The following MED27 variants were observed in gnomAD, a reference collection of about 807,000 sequenced individuals.
The protein encoded by MED27 is mediator of RNA polymerase II transcription subunit 27.
MED27 carries 30 observed loss-of-function variants against 38.2 expected under a neutral mutation model. That is an observed-to-expected ratio of 0.79 (90% CI 0.59 to 1.07). MED27 has a LOEUF of 1.07. Ranked by LOEUF, MED27 falls within the 50% of genes least tolerant of loss-of-function variation. The pLI is 0.00. For synonymous variants in MED27, 122 were observed against 153.5 expected (o/e 0.79, Z 1.52); for missense variants, 289 against 397.5 (o/e 0.73, Z 2.32).
Position 131,997,015 on chromosome 9 carries a change from G to T in MED27, c.479+17322C>A, listed in dbSNP as rs898542293. 1.3e-5 allele frequency among the ~76,000 whole-genome samples: 2 copies of T among 152,152 alleles called. No homozygotes were observed. The highest frequency in any genetic ancestry group is 4.8e-5 in the African/African-American group (2 of 41,446). ...GGAGTCAAAAGTCACGCACATTTTT[G>T]ACTATGGTGGGGGATGGGTACCCCT... On this transcript the variant is annotated intron_variant, in intron 3 of 7. Transcript: ENST00000292035. This position sits in a 1 kb window ranked among gnomAD's most constrained non-coding sequence, Gnocchi z 4.0.
chr9:131,955,093 G>A (rs1831071104), intron 3 of MED27, among the ~76,000 whole-genome samples: 1 of 151,878 alleles, frequency 6.6e-6, no homozygotes, highest in African/African-American at 2.4e-5. Flanking sequence ...TATGTTCTCT[G>A]ACCACAACTG....
intron 5 of MED27, 48 bp from the exon 6 acceptor site, chr9:131,884,147 G>T: frequency 6.7e-7 from 1 of 1,486,134 alleles, no homozygotes; most frequent in Non-Finnish European, 9.1e-7. Context: ...TTAGAATTCG[G>T]GACTTCAAGA....
intron 4 of MED27, among the ~76,000 whole-genome samples, chr9:131,907,369 C>G (rs1034425399): frequency 6.6e-5 from 10 of 152,174 alleles, no homozygotes; most frequent in Non-Finnish European, 1.5e-4. Context: ...AGGCACGCGC[C>G]GCCACGCCTG....
chr9:131,866,316 GCT>G (rs1227691016), intron 6 of MED27, among the ~76,000 whole-genome samples: 1 of 152,202 alleles, frequency 6.6e-6, no homozygotes. Flanking sequence ...ACTGCAAGGT[GCT>G]CTCTCCAGGC....
At chr9:131,980,052 C>T (rs1332336624) in intron 3 of MED27, among the ~76,000 whole-genome samples, 2 of 151,944 alleles carry the variant, frequency 1.3e-5, no homozygotes, top group Non-Finnish European at 2.9e-5. Flanking sequence ...CACAGATATA[C>T]CTCTAACAAG....
At chr9:131,938,807 A>G (rs1290131054) in intron 4 of MED27, among the ~76,000 whole-genome samples, 1 of 150,602 alleles carries the variant, frequency 6.6e-6, no homozygotes, top group Admixed American at 6.6e-5. Context: ...TCCGCCTCCC[A>G]GGTTCATGCC....
At chr9:131,950,689 C>A (rs1240916308) in intron 3 of MED27, among the ~76,000 whole-genome samples, 1 of 152,194 alleles carries the variant, frequency 6.6e-6, no homozygotes, top group African/African-American at 2.4e-5. Context: ...AACCGCAGAA[C>A]CCCTCCTGGG....
intron 2 of MED27, among the ~76,000 whole-genome samples, chr9:132,016,951 A>T (rs1832616319): frequency 6.6e-6 from 1 of 152,220 alleles, no homozygotes; most frequent in Non-Finnish European, 1.5e-5. Context: ...CTCTCAGTGT[A>T]CAGTGCACCT....
intron 5 of MED27, among the ~76,000 whole-genome samples, chr9:131,892,566 TG>T (rs1485941628): frequency 6.6e-6 from 1 of 152,204 alleles, no homozygotes; most frequent in East Asian, 1.9e-4. Context: ...CCAATTCGTT[TG>T]TAAGTCCTTG....
At chr9:132,078,197 CA>C (rs1184746412) in intron 1 of MED27, among the ~76,000 whole-genome samples, 2 of 152,154 alleles carry the variant, frequency 1.3e-5, no homozygotes, top group Non-Finnish European at 1.5e-5. Flanking sequence ...CCAACAAGAG[CA>C]CATTCCAGGA....
chr9:131,979,856 T>TGGCC (rs1831693181), intron 3 of MED27, among the ~76,000 whole-genome samples: 1 of 152,018 alleles, frequency 6.6e-6, no homozygotes. Context: ...GCTGGCTGGC[T>TGGCC]GGCTGGAGAG....
rs11331082 is a variant in MED27 at position 131,884,605 on chromosome 9, CTTTTTTT to C, written c.682-513_682-507del. Among the ~76,000 whole-genome samples the C allele has an allele frequency of 6.3e-4, 77 of 122,680 alleles. No homozygotes were observed. The East Asian group carries it at 0.017, about 28-fold the overall frequency. 80.5% of individuals were successfully genotyped at this position (122,680 alleles called of 152,430 possible). On this transcript the variant is annotated intron_variant, in intron 5 of 7. Coordinates refer to ENST00000292035, the MANE Select transcript of MED27 (RefSeq NM_004269.4). ...GTACCTGTTACCTTGATTCTCTTTA[CTTTTTTT>C]TTTTTTTTTTTTTGAGATGGAGTCT...
chr9:132,019,637 G>GA (rs1204175989), intron 2 of MED27, among the ~76,000 whole-genome samples: 1 of 152,210 alleles, frequency 6.6e-6, no homozygotes, highest in East Asian at 1.9e-4. Flanking sequence ...CATTTCACAT[G>GA]AGAGGAGATG....
At chr9:131,910,095 G>C (rs1431401352) in intron 4 of MED27, among the ~76,000 whole-genome samples, 2 of 152,184 alleles carry the variant, frequency 1.3e-5, no homozygotes, top group Non-Finnish European at 2.9e-5. Flanking sequence ...GATATAAGGG[G>C]AAACCGAGGC....
intron 2 of MED27, among the ~76,000 whole-genome samples, chr9:132,069,516 G>A (rs1420162903): frequency 6.6e-6 from 1 of 152,212 alleles, no homozygotes; most frequent in Admixed American, 6.5e-5. Flanking sequence ...GCTGTCTGCA[G>A]AACCTTTGCA....
At chr9:131,954,727 C>T (rs1422268364) in intron 3 of MED27, among the ~76,000 whole-genome samples, 1 of 152,176 alleles carries the variant, frequency 6.6e-6, no homozygotes, top group Non-Finnish European at 1.5e-5. Flanking sequence ...CCCAAAGAAA[C>T]TCCTCTGCCC....
intron 6 of MED27, among the ~76,000 whole-genome samples, chr9:131,864,402 G>A (rs1392006930): frequency 6.6e-6 from 1 of 152,176 alleles, no homozygotes; most frequent in Admixed American, 6.5e-5. Context: ...AGGATCATCC[G>A]AGCCTGGGAA....
chr9:131,869,891 T>C (rs572870662), intron 6 of MED27, among the ~76,000 whole-genome samples: 2 of 152,186 alleles, frequency 1.3e-5, no homozygotes, highest in Admixed American at 6.5e-5. Context: ...TGCCAACAGA[T>C]CCAGTCCACT....
chr9:132,064,704 C>T (rs908541116), intron 2 of MED27, among the ~76,000 whole-genome samples: 1 of 152,148 alleles, frequency 6.6e-6, no homozygotes, highest in Non-Finnish European at 1.5e-5. Flanking sequence ...TTAAAATGCA[C>T]CATACTATAA....
Sources: gnomAD v4.1 joint callset for allele counts (sites outside exome capture counted in the v4.1 genomes callset) on GRCh38, gnomAD v4.1.1 for gene constraint, Gnocchi (gnomAD v3.1) non-coding constraint, MANE v1.5 for transcripts, NCBI Gene and HGNC (gene_info 2026-07-23, HGNC 2026-07-21) for gene names.